The following CDKAL1 variants were observed in gnomAD, a reference collection of about 807,000 sequenced individuals.
The protein encoded by CDKAL1 is threonylcarbamoyladenosine tRNA methylthiotransferase.
CDKAL1 carries 32 observed loss-of-function variants against 68.2 expected under a neutral mutation model. The observed-to-expected ratio is 0.47, with a 90% confidence interval of 0.35 to 0.63. The LOEUF (loss-of-function observed/expected upper bound fraction) is 0.63, where lower values mean the gene tolerates loss of function less well. Among genes scored for constraint, CDKAL1 ranks in the 30% least tolerant of loss-of-function variants. The pLI, the probability that CDKAL1 is intolerant of heterozygous loss-of-function variation, is 0.00. For synonymous variants in CDKAL1, 234 were observed against 244.3 expected (o/e 0.96, Z 0.39); for missense variants, 606 against 696.7 (o/e 0.87, Z 1.47).
intron 10 of CDKAL1, among the ~76,000 whole-genome samples, chr6:20,972,528 G>A (rs1765646751): frequency 6.6e-6 from 1 of 152,160 alleles, no homozygotes. Context: ...CAGAAAGCAG[G>A]ATAAACAACT....
chr6:20,649,558 T>A (rs965431976), intron 5 of CDKAL1, among the ~76,000 whole-genome samples, 181 bp downstream of exon 5: 1 of 152,230 alleles, frequency 6.6e-6, no homozygotes, highest in Non-Finnish European at 1.5e-5. Context: ...TTTTATTTTT[T>A]ATTTTTAAAT....
intron 9 of CDKAL1, among the ~76,000 whole-genome samples, chr6:20,906,518 G>A (rs371059934): frequency 1.4e-4 from 22 of 152,146 alleles, no homozygotes; most frequent in African/African-American, 4.6e-4. Flanking sequence ...AAATATCTAC[G>A]CTGAAAATGC....
chr6:21,209,028 A>G (rs1779047699), intron 15 of CDKAL1, among the ~76,000 whole-genome samples: 1 of 152,240 alleles, frequency 6.6e-6, no homozygotes, highest in African/African-American at 2.4e-5. Context: ...TAGCTGGAGC[A>G]TCGTGAGGGA....
At chr6:20,757,977 T>C (rs1331241802) in intron 6 of CDKAL1, among the ~76,000 whole-genome samples, 1 of 152,100 alleles carries the variant, frequency 6.6e-6, no homozygotes, top group African/African-American at 2.4e-5. Flanking sequence ...TCATCCTTGG[T>C]TCTCTAGGAA....
At chr6:20,555,625 G>GTTT (rs61408771) in intron 4 of CDKAL1, among the ~76,000 whole-genome samples, 61 of 123,688 alleles carry the variant, frequency 4.9e-4, no homozygotes, top group Middle Eastern at 5.3e-3. Context: ...AGCCAGAGTT[G>GTTT]TTTTTTTTTT....
chr6:21,152,588 G>C (rs79168548), intron 13 of CDKAL1, among the ~76,000 whole-genome samples: 2,224 of 152,262 alleles, frequency 0.015, 59 homozygotes, highest in African/African-American at 0.051. Context: ...TGCTCTCAAG[G>C]AGCTCGTAGT....
intron 5 of CDKAL1, among the ~76,000 whole-genome samples, chr6:20,665,475 C>G (rs952135096): frequency 1.3e-5 from 2 of 151,950 alleles, no homozygotes; most frequent in Non-Finnish European, 2.9e-5. Flanking sequence ...ATGTGTGTAG[C>G]CTTAACAGCT....
chr6:21,069,321 C>T (rs768427925), intron 12 of CDKAL1, among the ~76,000 whole-genome samples: 4 of 152,064 alleles, frequency 2.6e-5, no homozygotes, highest in Non-Finnish European at 5.9e-5. Context: ...CTTTCTATTC[C>T]TATTTTTCCC....
At chr6:20,780,778 A>G (rs1015431582) in intron 7 of CDKAL1, among the ~76,000 whole-genome samples, 2 of 147,736 alleles carry the variant, frequency 1.4e-5, no homozygotes, top group Non-Finnish European at 3.0e-5. Flanking sequence ...GGCTCGAGCT[A>G]TTCTCCTGCC....
chr6:21,162,024 C>T (rs954306177), intron 13 of CDKAL1, among the ~76,000 whole-genome samples: 1 of 152,166 alleles, frequency 6.6e-6, no homozygotes, highest in African/African-American at 2.4e-5. Flanking sequence ...ACGCTGCTTA[C>T]ATGACTTAAT....
At chr6:20,773,817 A>T (rs1193026931) in intron 7 of CDKAL1, among the ~76,000 whole-genome samples, 2 of 152,264 alleles carry the variant, frequency 1.3e-5, no homozygotes, top group African/African-American at 4.8e-5. Context: ...AAGTGCTGGG[A>T]TTACAGGCTT....
At chr6:20,550,860 CTTTTTTTTTTTT>C (rs70990044) in intron 4 of CDKAL1, among the ~76,000 whole-genome samples, 3 of 72,908 alleles carry the variant, frequency 4.1e-5, no homozygotes. Context: ...GAGGTTGTGT[CTTTTTTTTTTTT>C]TTTTTTTTTT....
chr6:20,624,836 A>G (rs890088412), intron 4 of CDKAL1, among the ~76,000 whole-genome samples: 1 of 152,086 alleles, frequency 6.6e-6, no homozygotes, highest in African/African-American at 2.4e-5. Context: ...TGAGTTTACT[A>G]TATTCACATC....
At chr6:21,046,861 A>G (rs1188416197) in intron 11 of CDKAL1, among the ~76,000 whole-genome samples, 1 of 152,194 alleles carries the variant, frequency 6.6e-6, no homozygotes, top group Admixed American at 6.5e-5. Context: ...ACACCCTTCA[A>G]AAATAGACGC....
In CDKAL1 at chr6:21,231,313, AT is replaced by A. The variant is rs3840416; in HGVS notation, c.*281del. ...TTTAGCAAGAAATGCAAGCGGTTGC[AT>A]TTTTTTCTGTTTGTTTCAATCTCTA... On this transcript the variant is annotated 3_prime_UTR_variant, in exon 16 of 16. Coordinates refer to ENST00000274695, the MANE Select transcript of CDKAL1 (RefSeq NM_017774.3). 99,817 of 281,614 alleles carry A rather than the reference AT, an allele frequency of 0.35. 21,421 individuals carry two copies. The highest frequency in any genetic ancestry group is 0.68 in the African/African-American group (31,459 of 45,934). 17.4% of individuals were successfully genotyped at this position (281,614 alleles called of 1,614,324 possible).
At chr6:20,873,918 G>C (rs1355268629) in intron 9 of CDKAL1, among the ~76,000 whole-genome samples, 7 of 152,170 alleles carry the variant, frequency 4.6e-5, no homozygotes, top group Non-Finnish European at 1.0e-4. Flanking sequence ...AAGAATCGAA[G>C]TAGCTAACAT....
chr6:20,917,748 G>A (rs1561883478), intron 9 of CDKAL1, among the ~76,000 whole-genome samples: 2 of 152,124 alleles, frequency 1.3e-5, no homozygotes, highest in Admixed American at 6.5e-5. Context: ...AGAACATACA[G>A]TATCACATGT....
intron 12 of CDKAL1, among the ~76,000 whole-genome samples, chr6:21,085,121 G>T (rs1352848896): frequency 1.3e-5 from 2 of 152,212 alleles, no homozygotes; most frequent in Non-Finnish European, 2.9e-5. Flanking sequence ...TCCAGGGGAA[G>T]ATTGGAAGAA....
intron 11 of CDKAL1, among the ~76,000 whole-genome samples, chr6:21,026,628 A>G (rs1768974373): frequency 6.6e-6 from 1 of 152,152 alleles, no homozygotes; most frequent in South Asian, 2.1e-4. Context: ...CACATTCAGG[A>G]GGGCAATAAT....
Sources: allele counts gnomAD v4.1 joint callset (sites outside exome capture counted in the v4.1 genomes callset), GRCh38; gene constraint gnomAD v4.1.1; transcripts MANE v1.5; gene names NCBI Gene and HGNC (gene_info 2026-07-23, HGNC 2026-07-21).